PCYT1B: variants seen among roughly 807,000 people sequenced by gnomAD.
PCYT1B encodes the protein choline-phosphate cytidylyltransferase B.
A neutral mutation model predicts 26.4 loss-of-function variants in PCYT1B; 10 were observed. The observed-to-expected ratio is 0.38, with a 90% CI of 0.23 to 0.64. The LOEUF (loss-of-function observed/expected upper bound fraction) is 0.64, where lower values mean the gene tolerates loss of function less well. Ranked by LOEUF, PCYT1B falls within the 30% of genes least tolerant of loss-of-function variation. PCYT1B has a pLI of 0.56. For missense variants in PCYT1B, 161 were observed against 292.7 expected (o/e 0.55, Z 3.28); for synonymous variants, 131 against 108.4 (o/e 1.21, Z -1.29).
chrX:24,669,501 G>GAAAAAAAA (rs60562762), intron 1 of PCYT1B, among the ~76,000 whole-genome samples: 2 of 31,550 alleles, frequency 6.3e-5, no homozygotes, highest in African/African-American at 1.4e-4. Context: ...CTTCGTCTCA[G>GAAAAAAAA]AAAAAAAAAA....
chrX:24,660,316 A>G lies in PCYT1B; in HGVS notation c.63+12254T>C, dbSNP rs1053237461. On this transcript the variant is annotated intron_variant, in intron 1 of 7. Transcript: ENST00000379145. Reference sequence around the variant, plus strand: ...GGAAGCTGGCTATGTAAAAACTTTCAATATCTCCAAAAGCAATCATTTTAA... The same window carrying G: ...GGAAGCTGGCTATGTAAAAACTTTCGATATCTCCAAAAGCAATCATTTTAA... 5.3e-5 allele frequency among the ~76,000 whole-genome samples: 6 copies of G among 112,201 alleles called. No individual in the cohort carries two copies. The Admixed American group carries it at 5.7e-4, about 11-fold the overall frequency.
chrX:24,613,950 CAAAAAAAAAAAAAA>C (rs200062439), intron 2 of PCYT1B, among the ~76,000 whole-genome samples: 1 of 77,219 alleles, frequency 1.3e-5, no homozygotes, highest in Non-Finnish European at 2.6e-5. Flanking sequence ...AACAACCTGT[CAAAAAAAAAAAAAA>C]AAAAAAAAAA....
chrX:24,574,718 T>A (rs1923963270), intron 7 of PCYT1B, among the ~76,000 whole-genome samples: 1 of 112,084 alleles, frequency 8.9e-6, no homozygotes, highest in Admixed American at 9.5e-5. Context: ...ATGCCAGTAG[T>A]TGATCCAAGA....
chrX:24,637,509 T>TATATATATATATATATATAAATAA (rs779316769), intron 1 of PCYT1B, among the ~76,000 whole-genome samples: 5 of 64,064 alleles, frequency 7.8e-5, no homozygotes, highest in African/African-American at 3.9e-4. Flanking sequence ...TATATATATA[T>TATATATATATATATATATAAATAA]ATAAATTAGC....
At chrX:24,576,741 T>TAC (rs998722013) in intron 6 of PCYT1B, among the ~76,000 whole-genome samples, 4 of 111,227 alleles carry the variant, frequency 3.6e-5, no homozygotes, top group Non-Finnish European at 7.5e-5. Flanking sequence ...GCTATATATA[T>TAC]ACATATATGT....
intron 6 of PCYT1B, among the ~76,000 whole-genome samples, chrX:24,578,795 G>A (rs1374120268): frequency 9.0e-6 from 1 of 111,440 alleles, no homozygotes; most frequent in Non-Finnish European, 1.9e-5. Flanking sequence ...CTTCAATCAA[G>A]TCTAAAAACT....
Position 24,558,376 on chromosome X carries a change from C to A in PCYT1B, c.*3917G>T, listed in dbSNP as rs1356140050. 1.8e-5 allele frequency: 2 copies of A among 111,276 alleles called. No homozygotes were observed. Among genetic ancestry groups the A allele is most frequent in the Non-Finnish European group, 3.8e-5 (2 of 53,033 alleles). The allele number at this position is 111,276 out of a possible 1,213,427, so 9.2% of individuals were successfully genotyped here. ...CAACAGAGGAAAACTAGAAAGAAGT[C>A]TAGAGAGGAGAAGTTGCAAATGCCT... On this transcript the variant is annotated 3_prime_UTR_variant, in exon 8 of 8. Transcript: ENST00000379144.
At chrX:24,593,323 T>TTTTTC (rs1391874766) in intron 3 of PCYT1B, among the ~76,000 whole-genome samples, 62 of 110,075 alleles carry the variant, frequency 5.6e-4, no homozygotes, top group African/African-American at 2.0e-3. Context: ...AGGTTCCTTC[T>TTTTTC]TTTTCTTTTC....
At chrX:24,590,744 T>C (rs773838186) in intron 3 of PCYT1B, among the ~76,000 whole-genome samples, 10 of 107,586 alleles carry the variant, frequency 9.3e-5, no homozygotes, top group Non-Finnish European at 1.9e-4. Context: ...AAGAAAGTCA[T>C]AAAATCAAAG....
At chrX:24,587,562 C>T (rs1027144764) in intron 4 of PCYT1B, among the ~76,000 whole-genome samples, 3 of 111,752 alleles carry the variant, frequency 2.7e-5, no homozygotes, top group African/African-American at 9.8e-5. Flanking sequence ...TCTTTCTTGT[C>T]CTACCCCAGA....
chrX:24,579,002 C>T (rs766666087), intron 6 of PCYT1B, among the ~76,000 whole-genome samples: 2 of 110,532 alleles, frequency 1.8e-5, no homozygotes, highest in African/African-American at 6.6e-5. Flanking sequence ...GCGTTAAGGA[C>T]ACTGCACAGG....
Position 24,575,295 on chromosome X carries a change from G to A in PCYT1B, c.732C>T (p.Asn244=), listed in dbSNP as rs1192168034. The part of the protein sequence containing the change: ...FINEKRYRFQ[N]QVDKMKEKVK... ...CTTTTTCCTTCATTTTGTCCACTTG[G>A]TTCTGGAAACGGTACCTCTTCTCCT... The change falls in exon 7 of 8, where the codon AAC becomes AAT. Residue 244 remains asparagine (N), a synonymous_variant. Coordinates refer to ENST00000379144, the MANE Select transcript of PCYT1B (RefSeq NM_004845.5). 1.9e-5 allele frequency: 22 copies of A among 1,187,421 alleles called. No individual in the cohort carries two copies. The highest frequency in any genetic ancestry group is 2.4e-5 in the Non-Finnish European group (21 of 885,185).
At chrX:24,607,569 C>G (rs1368015649) in intron 3 of PCYT1B, among the ~76,000 whole-genome samples, 176 bp downstream of exon 3, 1 of 111,824 alleles carries the variant, frequency 8.9e-6, no homozygotes, top group Non-Finnish European at 1.9e-5. Flanking sequence ...TGTAACTTCC[C>G]CTATGGTTTT....
upstream of PCYT1B, among the ~76,000 whole-genome samples, chrX:24,651,472 AATATAT>A (rs200652780): frequency 9.9e-3 from 258 of 25,991 alleles, 8 homozygotes; most frequent in African/African-American, 0.041. Context: ...AAAAAAAAAA[AATATAT>A]ATATATATAT....
intron 3 of PCYT1B, among the ~76,000 whole-genome samples, chrX:24,591,842 T>C (rs2148235079): frequency 8.9e-6 from 1 of 112,332 alleles, no homozygotes; most frequent in South Asian, 3.7e-4. Context: ...ATACATTGTA[T>C]AATAATCTAA....
intron 6 of PCYT1B, 29 bp from the exon 7 acceptor site, chrX:24,575,347 A>C (rs761161036): frequency 5.7e-6 from 6 of 1,054,978 alleles, no homozygotes; most frequent in East Asian, 6.1e-5. Context: ...AAAAAAAAAA[A>C]CAGATTTATC....
intron 1 of PCYT1B, among the ~76,000 whole-genome samples, chrX:24,628,961 C>A (rs1925962802): frequency 9.0e-6 from 1 of 111,509 alleles, no homozygotes; most frequent in African/African-American, 3.3e-5. Context: ...AAATTGCCTC[C>A]TACAAAAGCT....
At chrX:24,608,360 A>G (rs1925203267) in intron 2 of PCYT1B, among the ~76,000 whole-genome samples, 1 of 111,922 alleles carries the variant, frequency 8.9e-6, no homozygotes, top group Non-Finnish European at 1.9e-5. Context: ...GCCTGAAGTC[A>G]GCCACGATAG....
intron 1 of PCYT1B, among the ~76,000 whole-genome samples, chrX:24,668,438 C>T (rs772429254): frequency 1.9e-4 from 21 of 111,415 alleles, no homozygotes; most frequent in Non-Finnish European, 3.4e-4. Context: ...TAAATGTATT[C>T]GCTGTAGAAA....
Sources: gnomAD v4.1 joint callset for allele counts (sites outside exome capture counted in the v4.1 genomes callset) on GRCh38, gnomAD v4.1.1 for gene constraint, MANE v1.5 for transcripts, NCBI Gene and HGNC (gene_info 2026-07-23, HGNC 2026-07-21) for gene names.